ALPK3: variants seen among roughly 807,000 people sequenced by gnomAD.
ALPK3 encodes the protein alpha kinase 3, also known as alpha-protein kinase 3.
ALPK3 carries 102 observed loss-of-function variants against 140.0 expected under a neutral mutation model. That is an observed-to-expected ratio of 0.73 (90% CI 0.62 to 0.86). The LOEUF (loss-of-function observed/expected upper bound fraction) is 0.86, where lower values mean the gene tolerates loss of function less well. Ranked by LOEUF, ALPK3 falls within the 40% of genes least tolerant of loss-of-function variation. ALPK3 has a pLI of 0.00. For missense variants in ALPK3, 2,254 were observed against 2,208.2 expected (o/e 1.02, Z -0.42); for synonymous variants, 938 against 898.5 (o/e 1.04, Z -0.79).
chr15:84,831,591 T>G (rs1000979079), intron 3 of ALPK3, among the ~76,000 whole-genome samples: 4 of 152,228 alleles, frequency 2.6e-5, no homozygotes, highest in Non-Finnish European at 5.9e-5. Flanking sequence ...TTATTAATGA[T>G]AGTTTTCTAA....
rs977522041 is a variant in ALPK3, at chr15:84,859,484, T to G, written c.3965+94T>G. On this transcript the variant is annotated intron_variant, in intron 7 of 13. Transcript: ENST00000258888. ...TAGTGCTTTGAACCTATCGCCTCAT[T>G]AATCCTCACAATAACCAGGGGAGGT... 2.0e-5 allele frequency: 29 copies of G among 1,479,028 alleles called. No homozygotes were observed. The African/African-American group carries it at 4.1e-4, about 21-fold the overall frequency. The allele number at this position is 1,479,028 out of a possible 1,614,324, so 91.6% of individuals were successfully genotyped here.
At position 84,857,095 on chromosome 15, in the gene ALPK3, A is replaced by G. The variant is rs756677425; in HGVS notation, c.2357A>G (p.His786Arg). ...EEAVVTASRN[H>R]EQTVLGPLSG... Reference sequence around the variant, plus strand: ...GCAGTAGTAACAGCCTCCAGGAACCATGAGCAAACTGTGCTGGGTCCCCTG... The same window carrying G: ...GCAGTAGTAACAGCCTCCAGGAACCGTGAGCAAACTGTGCTGGGTCCCCTG... Residue 786 changes from histidine (H) to arginine (R), a missense_variant, in exon 6 of 14, where the codon CAT (histidine) becomes CGT (arginine). By Grantham distance (29) the His-to-Arg change is conservative. Around this residue, in one of 3 missense-constraint regions of ALPK3, gnomAD observed 2,088 missense variants for 2,022.9 expected, o/e 1.03. Coordinates refer to ENST00000258888, the MANE Select transcript of ALPK3 (RefSeq NM_020778.5). The G allele has an allele frequency of 2.5e-6, 4 of 1,614,210 alleles. No homozygotes were observed. The highest frequency in any genetic ancestry group is 3.4e-6 in the Non-Finnish European group (4 of 1,180,026).
At chr15:84,843,553 T>A (rs981977384) in intron 5 of ALPK3, among the ~76,000 whole-genome samples, 1 of 152,194 alleles carries the variant, frequency 6.6e-6, no homozygotes, top group African/African-American at 2.4e-5. Context: ...GGGAATCAAG[T>A]AAATTAGTCT....
chr15:84,851,878 A>G (rs970098843), intron 5 of ALPK3, among the ~76,000 whole-genome samples: 1 of 152,144 alleles, frequency 6.6e-6, no homozygotes, highest in African/African-American at 2.4e-5. Flanking sequence ...AATTCCTAGG[A>G]ATGGAATTTT....
In ALPK3 at chr15:84,840,255, G is replaced by A. The variant is rs1422827706; in HGVS notation, c.976G>A (p.Gly326Ser). 4 of 1,613,726 alleles carry A rather than the reference G, an allele frequency of 2.5e-6. No individual in the cohort carries two copies. The highest frequency in any genetic ancestry group is 2.7e-5 in the African/African-American group (2 of 74,944). Residue 326 changes from glycine (G) to serine (S), a missense_variant, in exon 5 of 14, where the codon GGC (glycine) becomes AGC (serine). Around this residue, in one of 3 missense-constraint regions of ALPK3, gnomAD observed 2,088 missense variants for 2,022.9 expected, o/e 1.03. Coordinates refer to ENST00000258888, the MANE Select transcript of ALPK3 (RefSeq NM_020778.5). ...AAAGAAAGATGAGGAATCCAAGCAAGGCCTGCGGAAGCCAGAGTTAGAGAA... is the reference window on the plus strand; with the variant it reads ...AAAGAAAGATGAGGAATCCAAGCAAAGCCTGCGGAAGCCAGAGTTAGAGAA... ...KKKKDEESKQ[G>S]LRKPELEKAA...
rs1044264701 is a variant in ALPK3, at chr15:84,856,526, G to A, written c.1788G>A (p.Gly596=). The A allele has an allele frequency of 3.7e-6, 6 of 1,614,064 alleles. No homozygotes were observed. The highest frequency in any genetic ancestry group is 8.5e-7 in the Non-Finnish European group (1 of 1,180,038). Reference sequence around the variant, plus strand: ...TGGATATGGAAACCCAGGAGGATGGGAGAACATCTGCTAACCAGAGAACTG... The same window carrying A: ...TGGATATGGAAACCCAGGAGGATGGAAGAACATCTGCTAACCAGAGAACTG... ...EPMDMETQED[G]RTSANQRTGS... is the part of the protein sequence containing the mutation. The change falls in exon 6 of 14, where the codon GGG becomes GGA. Residue 596 remains glycine, a synonymous_variant. Coordinates refer to ENST00000258888, the MANE Select transcript of ALPK3 (RefSeq NM_020778.5).
At chr15:84,864,077 A>C (rs1320041391) in intron 11 of ALPK3, among the ~76,000 whole-genome samples, 1 of 152,168 alleles carries the variant, frequency 6.6e-6, no homozygotes, top group African/African-American at 2.4e-5. Flanking sequence ...TGACCTTTGC[A>C]TACCTGGGGT....
intron 5 of ALPK3, among the ~76,000 whole-genome samples, chr15:84,854,810 T>C (rs1390811444): frequency 6.6e-6 from 1 of 152,242 alleles, no homozygotes; most frequent in Non-Finnish European, 1.5e-5. Flanking sequence ...ATTGACATTC[T>C]GATTTGCCAT....
At chr15:84,843,560 G>A (rs190341296) in intron 5 of ALPK3, among the ~76,000 whole-genome samples, 3 of 152,276 alleles carry the variant, frequency 2.0e-5, no homozygotes, top group Admixed American at 2.0e-4. Flanking sequence ...AAGTAAATTA[G>A]TCTCACGGTA....
chr15:84,860,172 G>T (rs1436985805), intron 9 of ALPK3, 100 bp downstream of exon 9: 5 of 1,385,760 alleles, frequency 3.6e-6, no homozygotes, highest in Non-Finnish European at 4.1e-6. Flanking sequence ...TCCACATACT[G>T]CTCCTCTTTG....
In ALPK3 at chr15:84,868,467, G is replaced by T. The variant is rs1964029484; in HGVS notation, c.*11G>T. 1.3e-6 allele frequency: 2 copies of T among 1,594,012 alleles called. No homozygotes were observed. The highest frequency in any genetic ancestry group is 1.7e-6 in the Non-Finnish European group (2 of 1,174,948). On this transcript the variant is annotated 3_prime_UTR_variant, in exon 14 of 14. Transcript: ENST00000258888. ...CAGGGCATGCGGTAGCCTCCGCAGA[G>T]GCTGGGGGCCTCCACCCAGCAGCAG...
Position 84,840,360 on chromosome 15 carries a change from G to C in ALPK3, c.1081G>C (p.Val361Leu). ...TGACTCCTGTGGGACTCAGGGGCCC[G>C]TGGGCGTGGAGCAGGTTCAGACCCA... ...EPDSCGTQGP[V>L]GVEQVQTQPR... is the part of the protein sequence containing the mutation. The change falls in exon 5 of 14, where the codon GTG becomes CTG. Residue 361 changes from valine (V) to leucine (L), a missense_variant. Coordinates refer to ENST00000258888, the MANE Select transcript of ALPK3 (RefSeq NM_020778.5). 6 of 1,613,508 alleles carry C rather than the reference G, an allele frequency of 3.7e-6. No homozygotes were observed. The highest frequency in any genetic ancestry group is 5.1e-6 in the Non-Finnish European group (6 of 1,179,786).
rs2141556014 is a variant in ALPK3, at chr15:84,839,566, G to A, written c.423-136G>A. On this transcript the variant is annotated intron_variant, in intron 4 of 13. Transcript: ENST00000258888. ...GGGTGTTGTATGTTGTGACGTGTGA[G>A]ATGGGGCGTAGCACACGGCAGGGCT... 47 of 965,664 alleles carry A rather than the reference G, an allele frequency of 4.9e-5. 3 individuals carry two copies. The South Asian group carries it at 7.5e-4, about 15-fold the overall frequency. The allele number at this position is 965,664 out of a possible 1,614,324, so 59.8% of individuals were successfully genotyped here.
At chr15:84,854,199 C>CCATT (rs1392964877) in intron 5 of ALPK3, among the ~76,000 whole-genome samples, 1 of 126,956 alleles carries the variant, frequency 7.9e-6, no homozygotes, top group Non-Finnish European at 1.8e-5. Context: ...TTATATAATA[C>CCATT]CATTAATTAT....
At chr15:84,861,116 T>C (rs1408868574) in intron 9 of ALPK3, among the ~76,000 whole-genome samples, 1 of 152,276 alleles carries the variant, frequency 6.6e-6, no homozygotes, top group East Asian at 1.9e-4. Flanking sequence ...AACTGTCTCA[T>C]ATGCGTTGGT....
In ALPK3 at chr15:84,857,508, C is replaced by G. The variant is rs767438988; in HGVS notation, c.2770C>G (p.Pro924Ala). The G allele has an allele frequency of 4.4e-6, 7 of 1,598,630 alleles. No homozygotes were observed. Among genetic ancestry groups the G allele is most frequent in the Middle Eastern group, 1.7e-4 (1 of 5,998 alleles). Residue 924 changes from proline to alanine, a missense_variant, in exon 6 of 14, where the codon CCA becomes GCA. This residue lies in a region of ALPK3 where 2,088 missense variants were observed against 2,022.9 expected (regional missense o/e 1.03). Coordinates refer to ENST00000258888, the MANE Select transcript of ALPK3 (RefSeq NM_020778.5). Reference protein sequence around the residue: ...LGLGTPTQSHPPETMATSSEG... With the variant: ...LGLGTPTQSHAPETMATSSEG... ...GCTGGGGACCCCCACTCAGAGTCAC[C>G]CACCAGAAACCATGGCCACCAGCAG...
intron 5 of ALPK3, among the ~76,000 whole-genome samples, chr15:84,849,090 C>T (rs760050202): frequency 4.6e-5 from 7 of 151,634 alleles, no homozygotes; most frequent in South Asian, 2.1e-4. Flanking sequence ...TGCGTTGAGT[C>T]GAGATCACGC....
At chr15:84,825,448 T>G (rs904974747) in intron 2 of ALPK3, among the ~76,000 whole-genome samples, 4 of 152,216 alleles carry the variant, frequency 2.6e-5, no homozygotes, top group African/African-American at 9.6e-5. Flanking sequence ...GTGCTGGGAT[T>G]ACAGGCGTGA....
At chr15:84,867,190 C>A in intron 12 of ALPK3, 127 bp from the exon 13 acceptor site, 10 of 620,620 alleles carry the variant, frequency 1.6e-5, no homozygotes, top group Non-Finnish European at 2.0e-5. Flanking sequence ...TGGGCTGGTT[C>A]TAAGCCCCCA....
Sources: allele counts gnomAD v4.1 joint callset (sites outside exome capture counted in the v4.1 genomes callset), GRCh38; gene constraint gnomAD v4.1.1; regional missense constraint gnomAD v4.1.1; transcripts MANE v1.5; gene names NCBI Gene and HGNC (gene_info 2026-07-23, HGNC 2026-07-21).